DIP2C: variants seen among roughly 807,000 people sequenced by gnomAD.
DIP2C encodes DIP2 acetate--CoA ligase C (putative).
DIP2C carries 33 observed loss-of-function variants against 192.4 expected under a neutral mutation model. That is an observed-to-expected ratio of 0.17 (90% CI 0.13 to 0.23). The LOEUF (loss-of-function observed/expected upper bound fraction) is 0.23, where lower values mean the gene tolerates loss of function less well. Among genes scored for constraint, DIP2C ranks in the 10% least tolerant of loss-of-function variants. The probability of loss-of-function intolerance (pLI) is 1.00; values close to 1 mark genes in which losing one functional copy is unlikely to be tolerated. For synonymous variants in DIP2C, 979 were observed against 864.1 expected (o/e 1.13, Z -2.33); for missense variants, 1,537 against 2,110.1 (o/e 0.73, Z 5.32).
rs187198471 is a variant in DIP2C at position 374,343 on chromosome 10, C to G, written c.1992-4710G>C. On this transcript the variant is annotated intron_variant, in intron 17 of 36. Coordinates refer to ENST00000280886, the MANE Select transcript of DIP2C (RefSeq NM_014974.3). ...CAAAATAACATACTTTGCATTCCCA[C>G]TAACAGAACAGGAGTATTATTTTCT... is the stretch of plus-strand genomic sequence containing the variant. 6.7e-3 allele frequency among the ~76,000 whole-genome samples: 1,025 copies of G among 152,260 alleles called. 12 individuals are homozygous for G. Among genetic ancestry groups the G allele is most frequent in the African/African-American group, 0.023 (973 of 41,518 alleles).
chr10:342,951 A>G (rs1413006644), intron 28 of DIP2C, among the ~76,000 whole-genome samples: 1 of 152,228 alleles, frequency 6.6e-6, no homozygotes, highest in Non-Finnish European at 1.5e-5. Context: ...CAGAGGAAAA[A>G]GGAAGTCAAA....
rs1958161339 is a variant in DIP2C, at chr10:341,820, A to G, written c.3454-491T>C. Among the ~76,000 whole-genome samples the G allele has an allele frequency of 2.0e-5, 3 of 152,308 alleles. No individual in the cohort carries two copies. In the South Asian group the frequency reaches 6.2e-4, roughly 32 times the overall value. Reference sequence around the variant, plus strand: ...CTTGAGCCCAGGAGTTCCCGGCTGCAGTGAGCTATGATTACCACTGCACTC... The same window carrying G: ...CTTGAGCCCAGGAGTTCCCGGCTGCGGTGAGCTATGATTACCACTGCACTC... On this transcript the variant is annotated intron_variant, in intron 28 of 36. Transcript: ENST00000280886.
At chr10:575,533 T>C (rs984586593) in intron 1 of DIP2C, among the ~76,000 whole-genome samples, 7 of 152,224 alleles carry the variant, frequency 4.6e-5, no homozygotes, top group East Asian at 3.8e-4. Context: ...TGTCAAGATG[T>C]TGAAGTCGCA....
chr10:556,406 C>G (rs989620722), intron 1 of DIP2C, among the ~76,000 whole-genome samples: 2 of 125,844 alleles, frequency 1.6e-5, no homozygotes, highest in Non-Finnish European at 3.3e-5. Context: ...ACACCACCAT[C>G]TCTGACACTC....
At chr10:380,254 G>A (rs1174134062) in intron 17 of DIP2C, among the ~76,000 whole-genome samples, 1 of 150,348 alleles carries the variant, frequency 6.7e-6, no homozygotes, top group African/African-American at 2.5e-5. Context: ...CCTGGAAGAT[G>A]GTTAACGTGC....
chr10:582,624 G>A (rs774249214), intron 1 of DIP2C, among the ~76,000 whole-genome samples: 10 of 152,102 alleles, frequency 6.6e-5, no homozygotes, highest in South Asian at 2.1e-4. Flanking sequence ...AACTGGATGC[G>A]TTTAGGTGGA....
At chr10:592,277 G>T (rs1248775068) in intron 1 of DIP2C, among the ~76,000 whole-genome samples, 1 of 152,198 alleles carries the variant, frequency 6.6e-6, no homozygotes, top group Non-Finnish European at 1.5e-5. Flanking sequence ...GTAACAAGGC[G>T]TGACAGTTTG....
At chr10:358,557 G>A (rs923079826) in intron 22 of DIP2C, among the ~76,000 whole-genome samples, 2 of 98,322 alleles carry the variant, frequency 2.0e-5, no homozygotes, top group African/African-American at 8.3e-5. Context: ...TTATCCATGA[G>A]CGATGAGATG....
intron 1 of DIP2C, among the ~76,000 whole-genome samples, chr10:680,839 A>G (rs1403946453): frequency 6.6e-6 from 1 of 152,260 alleles, no homozygotes; most frequent in Non-Finnish European, 1.5e-5. Flanking sequence ...CCAACTCCTG[A>G]GACAGAGGAC....
At chr10:371,062 T>C (rs560608286) in intron 17 of DIP2C, among the ~76,000 whole-genome samples, 2 of 152,252 alleles carry the variant, frequency 1.3e-5, no homozygotes, top group Admixed American at 1.3e-4. Context: ...CTTTCCATTA[T>C]CCTCCTGGCC....
rs746252524 is a variant in DIP2C, at chr10:651,319, G to A, written c.85+38175C>T. On this transcript the variant is annotated intron_variant, in intron 1 of 36. Transcript: ENST00000280886. The surrounding 1 kb of genome is among the most constrained non-coding windows in gnomAD (Gnocchi z 4.1). ...CAAGCAGAGCCACCAACGTGGACAC[G>A]ATCCCATCAGGAACCACCTACTTTT... The A allele has an allele frequency of 1.6e-5, 11 of 705,568 alleles. No individual in the cohort carries two copies. The highest frequency in any genetic ancestry group is 3.5e-5 in the African/African-American group (2 of 57,214). 43.7% of individuals were successfully genotyped at this position (705,568 alleles called of 1,614,324 possible). A position where few individuals can be genotyped will look rare whatever the true frequency, so the allele number is the denominator to read the frequency against.
At chr10:477,685 GAAAGCGGAGA>G (rs1289807869) in intron 2 of DIP2C, among the ~76,000 whole-genome samples, 3 of 143,028 alleles carry the variant, frequency 2.1e-5, no homozygotes, top group Non-Finnish European at 3.1e-5. Context: ...TAGATAGGAG[GAAAGCGGAGA>G]AAAGGAAAGA....
At position 275,830 on chromosome 10, in the gene DIP2C, G is replaced by C. The variant is rs912399231; in HGVS notation, c.*1495C>G. ...AGAAACTGGGGCGCACTCGTCCACA[G>C]GCGGCAAACGACGCAGCTGGAGGAC... On this transcript the variant is annotated 3_prime_UTR_variant, in exon 37 of 37. Transcript: ENST00000280886. 2.6e-5 allele frequency: 4 copies of C among 152,252 alleles called. No individual in the cohort carries two copies. Among genetic ancestry groups the C allele is most frequent in the Non-Finnish European group, 4.4e-5 (3 of 68,072 alleles). The allele number at this position is 152,252 out of a possible 1,614,324, so 9.4% of individuals were successfully genotyped here. A position where few individuals can be genotyped will look rare whatever the true frequency, so the allele number is the denominator to read the frequency against.
chr10:569,677 T>A (rs918264294), intron 1 of DIP2C, among the ~76,000 whole-genome samples: 1 of 152,026 alleles, frequency 6.6e-6, no homozygotes, highest in Non-Finnish European at 1.5e-5. Flanking sequence ...TGCTGCAAAA[T>A]AAAATGGAGA....
intron 1 of DIP2C, among the ~76,000 whole-genome samples, chr10:572,996 G>C (rs949492903): frequency 3.9e-5 from 6 of 152,198 alleles, no homozygotes; most frequent in Admixed American, 1.3e-4. Context: ...ACTGCGGACT[G>C]AGGCAGTAAA....
intron 1 of DIP2C, among the ~76,000 whole-genome samples, chr10:661,247 G>A (rs1856745141): frequency 1.3e-5 from 2 of 152,214 alleles, no homozygotes; most frequent in Non-Finnish European, 2.9e-5. Context: ...AGAGAGAGAA[G>A]ACTGCAGCCT....
chr10:689,394 GC>G lies in DIP2C; in HGVS notation c.85+99del, dbSNP rs949549957. On this transcript the variant is annotated intron_variant, in intron 1 of 36. Coordinates refer to ENST00000280886, the MANE Select transcript of DIP2C (RefSeq NM_014974.3). The surrounding 1 kb of genome is among the most constrained non-coding windows in gnomAD (Gnocchi z 6.1). The stretch of plus-strand genomic sequence containing the variant: ...GCTGGGGTCGCACCTCCCCCTCCGG[GC>G]CCGGCCCCCGCCCCGCCGCAGGCCC... 247 of 688,826 alleles carry G rather than the reference GC, an allele frequency of 3.6e-4. 4 individuals carry two copies. In the African/African-American group the frequency reaches 4.6e-3, roughly 13 times the overall value. 42.7% of individuals were successfully genotyped at this position (688,826 alleles called of 1,614,324 possible). A position where few individuals can be genotyped will look rare whatever the true frequency, so the allele number is the denominator to read the frequency against.
chr10:571,668 G>A (rs914747583), intron 1 of DIP2C, among the ~76,000 whole-genome samples: 4 of 152,182 alleles, frequency 2.6e-5, no homozygotes, highest in Admixed American at 1.3e-4. Flanking sequence ...GAACAGAAAC[G>A]TGTTTTGGAC....
At chr10:621,848 C>T (rs1289703686) in intron 1 of DIP2C, among the ~76,000 whole-genome samples, 3 of 152,124 alleles carry the variant, frequency 2.0e-5, no homozygotes, top group Non-Finnish European at 2.9e-5. Flanking sequence ...ACATGGCTTC[C>T]GGAGAGGATG....
Sources: gnomAD v4.1 joint callset for allele counts (sites outside exome capture counted in the v4.1 genomes callset) on GRCh38, gnomAD v4.1.1 for gene constraint, Gnocchi (gnomAD v3.1) non-coding constraint, MANE v1.5 for transcripts, NCBI Gene and HGNC (gene_info 2026-07-23, HGNC 2026-07-21) for gene names.